Variants in SMIM20 observed in about 807,000 individuals in gnomAD.
SMIM20 encodes mitochondrial translation regulation assembly intermediate of cytochrome c oxidase protein of 7 kDa.
Under a neutral mutation model 8.7 loss-of-function variants are expected in SMIM20, and 3 were observed. The ratio of observed to expected loss-of-function variants is 0.34; its 90% CI spans 0.16 to 0.89. The LOEUF (loss-of-function observed/expected upper bound fraction) is 0.89, where lower values mean the gene tolerates loss of function less well. Ranked by LOEUF, SMIM20 falls within the 40% of genes least tolerant of loss-of-function variation. The probability of loss-of-function intolerance (pLI) is 0.49; values close to 1 mark genes in which losing one functional copy is unlikely to be tolerated. For synonymous variants in SMIM20, 44 were observed against 33.6 expected (o/e 1.31, Z -1.07); for missense variants, 85 against 84.8 (o/e 1.00, Z -0.01).
At chr4:25,915,864 G>GGGGGGGGGGGGT (rs1719081491) in intron 1 of SMIM20, among the ~76,000 whole-genome samples, 3 of 126,654 alleles carry the variant, frequency 2.4e-5, no homozygotes, top group African/African-American at 5.6e-5. Flanking sequence ...TGGGGCGGGG[G>GGGGGGGGGGGGT]GGGGGTCGAG....
At chr4:25,914,948 C>A (rs1020036322) in intron 1 of SMIM20, among the ~76,000 whole-genome samples, 5 of 152,136 alleles carry the variant, frequency 3.3e-5, no homozygotes, top group African/African-American at 1.2e-4. Flanking sequence ...TCCAGAGCCT[C>A]CTCCAAGCAC....
intron 1 of SMIM20, among the ~76,000 whole-genome samples, chr4:25,919,663 A>G (rs1283992080): frequency 6.6e-6 from 1 of 151,818 alleles, no homozygotes; most frequent in Non-Finnish European, 1.5e-5. Context: ...TTCTATTTCT[A>G]TGCTTCCTTT....
intron 1 of SMIM20, among the ~76,000 whole-genome samples, chr4:25,915,441 T>C (rs1719066548): frequency 6.6e-6 from 1 of 152,220 alleles, no homozygotes; most frequent in African/African-American, 2.4e-5. Flanking sequence ...CTTGGCGAAT[T>C]GAAGGCGAAA....
chr4:25,914,291 A>G lies in SMIM20; in HGVS notation c.-23A>G. 1 of 1,543,886 alleles carries G rather than the reference A, an allele frequency of 6.5e-7. No homozygotes were observed. The highest frequency in any genetic ancestry group is 8.8e-7 in the Non-Finnish European group (1 of 1,142,058). On this transcript the variant is annotated 5_prime_UTR_variant, in exon 1 of 3. Coordinates refer to ENST00000506197, the MANE Select transcript of SMIM20 (RefSeq NM_001145432.3). ...GAGAGTGCCGGGCGGTCGGCGGGTC[A>G]GGGCAGCCCGGGGCCTGACGCCATG...
chr4:25,917,023 G>T (rs942888992), intron 1 of SMIM20, among the ~76,000 whole-genome samples: 1 of 152,088 alleles, frequency 6.6e-6, no homozygotes, highest in Admixed American at 6.5e-5. Context: ...ACAGCCCTTT[G>T]TGGCAGCTGC....
chr4:25,928,281 C>T (rs930753109), intron 1 of SMIM20, 32 bp from the exon 2 acceptor site: 12 of 1,546,576 alleles, frequency 7.8e-6, no homozygotes, highest in Non-Finnish European at 1.0e-5. Flanking sequence ...CGCCCCCCTT[C>T]TAAAGAATGA....
At chr4:25,916,981 C>T (rs1426785222) in intron 1 of SMIM20, among the ~76,000 whole-genome samples, 4 of 152,144 alleles carry the variant, frequency 2.6e-5, no homozygotes, top group South Asian at 2.1e-4. Context: ...CTTCTAAGCA[C>T]TTCCTATATA....
intron 1 of SMIM20, among the ~76,000 whole-genome samples, chr4:25,915,864 G>GGGGGGT (rs1560386052): frequency 5.4e-4 from 69 of 126,606 alleles, no homozygotes; most frequent in Middle Eastern, 4.0e-3. Context: ...TGGGGCGGGG[G>GGGGGGT]GGGGGTCGAG....
At chr4:25,927,936 C>T (rs1355573328) in intron 1 of SMIM20, among the ~76,000 whole-genome samples, 1 of 152,214 alleles carries the variant, frequency 6.6e-6, no homozygotes, top group Non-Finnish European at 1.5e-5. Flanking sequence ...ACATCGTTTT[C>T]TTAATTGTAC....
rs1210195173 is a variant in SMIM20 at position 25,929,745 on chromosome 4, C to T, written c.*554C>T. 6.6e-6 allele frequency: 1 copy of T among 152,216 alleles called. No homozygotes were observed. The highest frequency in any genetic ancestry group is 1.5e-5 in the Non-Finnish European group (1 of 68,058). The allele number at this position is 152,216 out of a possible 1,614,324, so 9.4% of individuals were successfully genotyped here. On this transcript the variant is annotated 3_prime_UTR_variant, in exon 3 of 3. Transcript: ENST00000506197. ...TGAAGCAAGTCAAACTAGATGCATA[C>T]ACTTGTGTAGAAATCAATAATCAAT...
intron 1 of SMIM20, among the ~76,000 whole-genome samples, chr4:25,921,644 C>A (rs1225407334): frequency 1.3e-5 from 2 of 152,192 alleles, no homozygotes; most frequent in African/African-American, 4.8e-5. Context: ...GGCTGAGACG[C>A]CGGATGTGAG....
At chr4:25,928,268 C>T in intron 1 of SMIM20, 45 bp from the exon 2 acceptor site, 1 of 1,534,686 alleles carries the variant, frequency 6.5e-7, no homozygotes, top group Non-Finnish European at 8.8e-7. Context: ...ATTTCTCTCT[C>T]CCCGCCCCCC....
chr4:25,919,186 G>T (rs569085671), intron 1 of SMIM20, among the ~76,000 whole-genome samples: 14 of 151,832 alleles, frequency 9.2e-5, no homozygotes, highest in Admixed American at 9.2e-4. Flanking sequence ...TTACAGGCGT[G>T]AGCCACCGCG....
In SMIM20 at chr4:25,929,418, G is replaced by T. The variant is rs568277046; in HGVS notation, c.*227G>T. On this transcript the variant is annotated 3_prime_UTR_variant, in exon 3 of 3. Transcript: ENST00000506197. ...ATTATACCATTAGGAAGGTTTTCAT[G>T]ATTCAGTTGATTTTCCAAAAATGAA... 7 of 490,570 alleles carry T rather than the reference G, an allele frequency of 1.4e-5. No homozygotes were observed. Among genetic ancestry groups the T allele is most frequent in the South Asian group, 3.9e-5 (1 of 25,770 alleles). 30.4% of individuals were successfully genotyped at this position (490,570 alleles called of 1,614,324 possible). A position where few individuals can be genotyped will look rare whatever the true frequency, so the allele number is the denominator to read the frequency against.
intron 1 of SMIM20, among the ~76,000 whole-genome samples, chr4:25,927,389 C>T (rs1004988248): frequency 6.6e-6 from 1 of 152,140 alleles, no homozygotes; most frequent in Non-Finnish European, 1.5e-5. Context: ...TGTACCGTTA[C>T]GTTTGTGTAA....
intron 1 of SMIM20, among the ~76,000 whole-genome samples, chr4:25,925,973 A>G (rs1719285241): frequency 6.6e-6 from 1 of 152,210 alleles, no homozygotes; most frequent in Admixed American, 6.5e-5. Context: ...CAGGGGGCAG[A>G]GTCGGGCTTG....
At chr4:25,923,327 A>G (rs1032313693) in intron 1 of SMIM20, among the ~76,000 whole-genome samples, 15 of 152,198 alleles carry the variant, frequency 9.9e-5, no homozygotes, top group South Asian at 2.1e-4. Flanking sequence ...AATAACATGC[A>G]TTTGAGGCCA....
In SMIM20 at chr4:25,929,304, T is replaced by C. The variant is rs1328641568; in HGVS notation, c.*113T>C. The C allele has an allele frequency of 1.9e-5, 20 of 1,061,220 alleles. 1 individual carries two copies. The highest frequency in any genetic ancestry group is 8.9e-5 in the South Asian group (6 of 67,624). The allele number at this position is 1,061,220 out of a possible 1,614,324, so 65.7% of individuals were successfully genotyped here. A position where few individuals can be genotyped will look rare whatever the true frequency, so the allele number is the denominator to read the frequency against. ...ATGACGGCTGGAGAAGAAAACTCTG[T>C]AATACCATAAATAAGAGTGCTTGTA... On this transcript the variant is annotated 3_prime_UTR_variant, in exon 3 of 3. Coordinates refer to ENST00000506197, the MANE Select transcript of SMIM20 (RefSeq NM_001145432.3).
At chr4:25,915,869 G>GGGGGGGGGGGGGGGT (rs1719082594) in intron 1 of SMIM20, among the ~76,000 whole-genome samples, 1 of 103,166 alleles carries the variant, frequency 9.7e-6, no homozygotes, top group Non-Finnish European at 2.0e-5. Context: ...CGGGGGGGGG[G>GGGGGGGGGGGGGGGT]TCGAGTGTTG....
Sources: gnomAD v4.1 joint callset for allele counts (sites outside exome capture counted in the v4.1 genomes callset) on GRCh38, gnomAD v4.1.1 for gene constraint, MANE v1.5 for transcripts, NCBI Gene and HGNC (gene_info 2026-07-23, HGNC 2026-07-21) for gene names.